PGM2L1: variants seen among roughly 807,000 people sequenced by gnomAD.
PGM2L1 encodes the protein glucose 1,6-bisphosphate synthase.
A neutral mutation model predicts 73.4 loss-of-function variants in PGM2L1; 35 were observed. That is an observed-to-expected ratio of 0.48 (90% confidence interval 0.36 to 0.63). The LOEUF (loss-of-function observed/expected upper bound fraction) is 0.63, where lower values mean the gene tolerates loss of function less well. Ranked by LOEUF, PGM2L1 falls within the 30% of genes least tolerant of loss-of-function variation. PGM2L1 has a pLI of 0.00. For missense variants in PGM2L1, 570 were observed against 742.0 expected, an observed-to-expected ratio of 0.77 and a Z score of 2.69; for synonymous variants, 225 against 253.8, an observed-to-expected ratio of 0.89 and a Z score of 1.08.
In PGM2L1 at chr11:74,374,668, T is replaced by C. The variant is rs147389332; in HGVS notation, c.112-86A>G. The C allele has an allele frequency of 4.8e-3, 5,424 of 1,125,530 alleles. 24 individuals carry two copies. Among genetic ancestry groups the C allele is most frequent in the Non-Finnish European group, 5.9e-3 (4,643 of 789,136 alleles). The allele number at this position is 1,125,530 out of a possible 1,614,324, so 69.7% of individuals were successfully genotyped here. ...CTTCTGAGGGGTCAATATGTACATA[T>C]CACAAGGTTCAACATTCAATATAAA... On this transcript the variant is annotated intron_variant, in intron 1 of 13. Coordinates refer to ENST00000298198, the MANE Select transcript of PGM2L1 (RefSeq NM_173582.6).
Position 74,398,341 on chromosome 11 carries a change from G to T in PGM2L1, c.-180C>A. The T allele has an allele frequency of 1.1e-6, 1 of 947,916 alleles. No homozygotes were observed. The highest frequency in any genetic ancestry group is 1.4e-6 in the Non-Finnish European group (1 of 693,982). 58.7% of individuals were successfully genotyped at this position (947,916 alleles called of 1,614,324 possible). A position where few individuals can be genotyped will look rare whatever the true frequency, so the allele number is the denominator to read the frequency against. ...GCGTCAGGGAACCGGGAGAGAGGGG[G>T]TTTATGGCCGCCTGCTCCCCAGCGG... On this transcript the variant is annotated 5_prime_UTR_variant, in exon 1 of 14. Coordinates refer to ENST00000298198, the MANE Select transcript of PGM2L1 (RefSeq NM_173582.6).
In PGM2L1 at chr11:74,345,100, G is replaced by C. The variant is rs555007100; in HGVS notation, c.1218+369C>G. 5.1e-4 allele frequency among the ~76,000 whole-genome samples: 77 copies of C among 152,276 alleles called. 1 individual carries two copies. In the South Asian group the frequency reaches 0.016, roughly 31 times the overall value. On this transcript the variant is annotated intron_variant, in intron 9 of 13. Transcript: ENST00000298198. The stretch of plus-strand genomic sequence containing the variant: ...ACTACTTGAAGTTCCTTAAGACCAT[G>C]CTTGAAGAGCCTGAACAAGGGGTTG...
intron 1 of PGM2L1, among the ~76,000 whole-genome samples, chr11:74,379,749 C>T (rs1187604696): frequency 6.6e-6 from 1 of 151,884 alleles, no homozygotes. Context: ...CATGGTAAAA[C>T]CCCGCCTCTA....
In PGM2L1 at chr11:74,347,107, G is replaced by A. The variant is rs1427857458; in HGVS notation, c.939+41C>T. On this transcript the variant is annotated intron_variant, in intron 7 of 13. Coordinates refer to ENST00000298198, the MANE Select transcript of PGM2L1 (RefSeq NM_173582.6). ...TCAATGAGTTCTATCTATTCTGATG[G>A]TTTAATAAACTAATAATAATTTAAA... 2.2e-6 allele frequency: 3 copies of A among 1,381,292 alleles called. No individual in the cohort carries two copies. In the African/African-American group the frequency reaches 4.4e-5, roughly 20 times the overall value. 85.6% of individuals were successfully genotyped at this position (1,381,292 alleles called of 1,614,324 possible).
chr11:74,359,963 AC>A (rs1176255142), intron 5 of PGM2L1, among the ~76,000 whole-genome samples: 1 of 152,218 alleles, frequency 6.6e-6, no homozygotes, highest in African/African-American at 2.4e-5. Context: ...AAGTCTCTCT[AC>A]CTACGAACTT....
At chr11:74,383,604 G>A (rs1414845004) in intron 1 of PGM2L1, among the ~76,000 whole-genome samples, 3 of 151,588 alleles carry the variant, frequency 2.0e-5, no homozygotes, top group Non-Finnish European at 2.9e-5. Flanking sequence ...CCCTCCCCAC[G>A]CCTCCCAGAC....
chr11:74,394,106 A>T (rs1305290444), intron 1 of PGM2L1, among the ~76,000 whole-genome samples: 1 of 152,128 alleles, frequency 6.6e-6, no homozygotes, highest in Non-Finnish European at 1.5e-5. Context: ...GTTGGGTTCT[A>T]ATGGTAGGAC....
chr11:74,378,730 C>G (rs1862894461), intron 1 of PGM2L1, among the ~76,000 whole-genome samples: 1 of 152,008 alleles, frequency 6.6e-6, no homozygotes, highest in African/African-American at 2.4e-5. Context: ...ATTGTAGAAC[C>G]ATAAGGCCCA....
chr11:74,342,635 A>C lies in PGM2L1; in HGVS notation c.1458T>G (p.Ile486Met). ...AACACAAGAAATAGGAAGTTTTTGA[A>C]ATATGATAACCATATCTGTGCAAAG... ...VKVYEKYGYH[I>M]SKTSYFLCYE... Residue 486 changes from isoleucine to methionine, a missense_variant, in exon 12 of 14, where the codon ATT (isoleucine) becomes ATG (methionine). Transcript: ENST00000298198. The C allele has an allele frequency of 6.3e-7, 1 of 1,581,902 alleles. No individual in the cohort carries two copies. Among genetic ancestry groups the C allele is most frequent in the Non-Finnish European group, 8.6e-7 (1 of 1,163,832 alleles).
intron 5 of PGM2L1, among the ~76,000 whole-genome samples, chr11:74,364,982 A>C (rs1403358837): frequency 6.6e-6 from 1 of 152,138 alleles, no homozygotes; most frequent in African/African-American, 2.4e-5. Context: ...AGGCTACAGT[A>C]ACCAAAACAG....
chr11:74,362,345 A>G (rs1591179159), intron 5 of PGM2L1, among the ~76,000 whole-genome samples: 1 of 152,354 alleles, frequency 6.6e-6, no homozygotes, highest in East Asian at 1.9e-4. Context: ...GCAAATGCTG[A>G]GAGGTTTTGT....
intron 5 of PGM2L1, among the ~76,000 whole-genome samples, chr11:74,359,022 T>C (rs546962825): frequency 4.2e-4 from 64 of 152,276 alleles, no homozygotes; most frequent in African/African-American, 1.5e-3. Flanking sequence ...TTTCTAGTAA[T>C]CATATTAAAA....
At chr11:74,383,819 A>AT (rs1288601909) in intron 1 of PGM2L1, among the ~76,000 whole-genome samples, 119 of 96,814 alleles carry the variant, frequency 1.2e-3, no homozygotes, top group South Asian at 4.6e-3. Flanking sequence ...GGAGATATAT[A>AT]AATAAATATA....
chr11:74,391,493 T>C (rs938546787), intron 1 of PGM2L1, among the ~76,000 whole-genome samples: 1 of 152,172 alleles, frequency 6.6e-6, no homozygotes, highest in Non-Finnish European at 1.5e-5. Context: ...TTAACGTCTA[T>C]ATTTTCTATT....
intron 1 of PGM2L1, among the ~76,000 whole-genome samples, chr11:74,395,730 C>T (rs1863166053): frequency 6.6e-6 from 1 of 151,630 alleles, no homozygotes; most frequent in Non-Finnish European, 1.5e-5. Context: ...TTTATGTATC[C>T]TATCTTCTAA....
chr11:74,344,209 C>G (rs1452652337), intron 9 of PGM2L1, among the ~76,000 whole-genome samples: 1 of 152,088 alleles, frequency 6.6e-6, no homozygotes, highest in Non-Finnish European at 1.5e-5. Flanking sequence ...TTCTCAGAAA[C>G]TGTCCTTTAA....
In PGM2L1 at chr11:74,371,800, A is replaced by G. The variant is rs2134930569; in HGVS notation, c.297T>C (p.Leu99=). 6.2e-7 allele frequency: 1 copy of G among 1,613,756 alleles called. No homozygotes were observed. The highest frequency in any genetic ancestry group is 2.2e-5 in the East Asian group (1 of 44,856). ...GCTTGAAGTCTGAGAAACATCTCTC[A>G]AGGTATTTGTACATCCCCTGAAGCA... The part of the protein sequence containing the change: ...IQSTQGMYKY[L]ERCFSDFKQR... Residue 99 remains leucine, a synonymous_variant, in exon 3 of 14, where the codon CTT becomes CTC. Coordinates refer to ENST00000298198, the MANE Select transcript of PGM2L1 (RefSeq NM_173582.6).
intron 5 of PGM2L1, among the ~76,000 whole-genome samples, chr11:74,360,617 C>CA (rs1314588584): frequency 6.6e-6 from 1 of 152,168 alleles, no homozygotes; most frequent in Non-Finnish European, 1.5e-5. Context: ...CACATCGCCT[C>CA]ACCCAGGAAG....
rs529018198 is a variant in PGM2L1, at chr11:74,354,470, C to G, written c.556-2894G>C. On this transcript the variant is annotated intron_variant, in intron 5 of 13. Transcript: ENST00000298198. ...GTCTAAGTCAGAGTCTCCTAAAGAG[C>G]CTGAACAGCTGAGGAAGCTCTTTAT... 5.3e-6 allele frequency: 5 copies of G among 946,162 alleles called. No individual in the cohort carries two copies. The Admixed American group carries it at 9.2e-5, about 17-fold the overall frequency. 58.6% of individuals were successfully genotyped at this position (946,162 alleles called of 1,614,324 possible). A position where few individuals can be genotyped will look rare whatever the true frequency, so the allele number is the denominator to read the frequency against.
Sources: allele counts gnomAD v4.1 joint callset (sites outside exome capture counted in the v4.1 genomes callset), GRCh38; gene constraint gnomAD v4.1.1; transcripts MANE v1.5; gene names NCBI Gene and HGNC (gene_info 2026-07-23, HGNC 2026-07-21).